Variants in HMCN2 observed in about 807,000 individuals in gnomAD.
The protein encoded by HMCN2 is hemicentin-2.
A neutral mutation model predicts 377.5 loss-of-function variants in HMCN2; 325 were observed. The ratio of observed to expected loss-of-function variants is 0.86; its 90% CI spans 0.79 to 0.94. The LOEUF (loss-of-function observed/expected upper bound fraction) is 0.94, where lower values mean the gene tolerates loss of function less well. Ranked by LOEUF, HMCN2 falls within the 40% of genes least tolerant of loss-of-function variation. The pLI, the probability that HMCN2 is intolerant of heterozygous loss-of-function variation, is 0.00. For missense variants in HMCN2, 4,543 were observed against 4,725.3 expected (o/e 0.96, Z 1.13); for synonymous variants, 2,007 against 2,046.8 (o/e 0.98, Z 0.53).
chr9:130,356,459 C>T (rs926340092), intron 34 of HMCN2, among the ~76,000 whole-genome samples: 3 of 152,182 alleles, frequency 2.0e-5, no homozygotes, highest in African/African-American at 7.2e-5. Flanking sequence ...TCAGTCCTGA[C>T]CAGCCCCTAG....
chr9:130,333,337 G>A lies in HMCN2; in HGVS notation c.3360-4557G>A, dbSNP rs949940979. On this transcript the variant is annotated intron_variant, in intron 22 of 97. Coordinates refer to ENST00000683500, the MANE Select transcript of HMCN2 (RefSeq NM_001291815.2). ...CCTGAGTGCAGCAAAGGTGTGTGCC[G>A]GGGATGAGGCAGACAGGTGAGGCCT... 7.2e-4 allele frequency among the ~76,000 whole-genome samples: 109 copies of A among 152,268 alleles called. 1 individual carries two copies. The highest frequency in any genetic ancestry group is 5.3e-3 in the Admixed American group (81 of 15,298).
At position 130,382,852 on chromosome 9, in the gene HMCN2, G is replaced by A. The variant is rs1036821875; in HGVS notation, c.8719G>A (p.Gly2907Arg). The change falls in exon 56 of 98, where the codon GGG becomes AGG. Residue 2907 changes from glycine (G) to arginine (R), a missense_variant. By Grantham distance (125) the Gly-to-Arg change is moderately radical (BLOSUM62 -2). Coordinates refer to ENST00000683500, the MANE Select transcript of HMCN2 (RefSeq NM_001291815.2). ...CCCACGGCTGCAGGTCCTGGAGGAC[G>A]GGCAAGTCTTGCAGGTCAGGGCAGC... Reference protein sequence around the residue: ...PSPRLQVLEDGQVLQVSTAEV... With the variant: ...PSPRLQVLEDRQVLQVSTAEV... 1.1e-5 allele frequency: 11 copies of A among 985,756 alleles called. No homozygotes were observed. Among genetic ancestry groups the A allele is most frequent in the South Asian group, 4.7e-5 (1 of 21,296 alleles). 61.1% of individuals were successfully genotyped at this position (985,756 alleles called of 1,614,324 possible).
chr9:130,395,959 G>T lies in HMCN2; in HGVS notation c.10947G>T (p.Arg3649Ser). The T allele has an allele frequency of 3.1e-6, 4 of 1,287,588 alleles. No individual in the cohort carries two copies. The highest frequency in any genetic ancestry group is 4.0e-6 in the Non-Finnish European group (4 of 988,734). The allele number at this position is 1,287,588 out of a possible 1,614,324, so 79.8% of individuals were successfully genotyped here. A position where few individuals can be genotyped will look rare whatever the true frequency, so the allele number is the denominator to read the frequency against. The change falls in exon 72 of 98, where the codon AGG becomes AGT. Residue 3649 changes from arginine to serine, a missense_variant. Around this residue, in one of 5 missense-constraint regions of HMCN2, gnomAD observed 1,073 missense variants for 1,319.5 expected, o/e 0.81. Coordinates refer to ENST00000683500, the MANE Select transcript of HMCN2 (RefSeq NM_001291815.2). ...ACACACAATTCCCGGAGCGGGGCAG[G>T]TTCCTCCAGCTGCAGGCCCTGAGCA... is the stretch of plus-strand genomic sequence containing the variant. ...DAHTQFPERG[R>S]FLQLQALSTA... is the part of the protein sequence containing the mutation.
At chr9:130,266,565 C>A (rs1834111788) in intron 1 of HMCN2, among the ~76,000 whole-genome samples, 1 of 152,248 alleles carries the variant, frequency 6.6e-6, no homozygotes, top group Non-Finnish European at 1.5e-5. Flanking sequence ...AGAATTCGCT[C>A]CCAGCGGAGG....
At chr9:130,404,207 G>A (rs997820562) in intron 80 of HMCN2, among the ~76,000 whole-genome samples, 1 of 152,278 alleles carries the variant, frequency 6.6e-6, no homozygotes, top group East Asian at 1.9e-4. Flanking sequence ...CAAAGATCAG[G>A]TGGCATCACT....
intron 15 of HMCN2, among the ~76,000 whole-genome samples, chr9:130,311,782 T>C (rs1837253544): frequency 6.6e-6 from 1 of 152,116 alleles, no homozygotes; most frequent in Non-Finnish European, 1.5e-5. Flanking sequence ...GCAGGACGGC[T>C]GCCACCTGGT....
chr9:130,361,354 C>A lies in HMCN2; in HGVS notation c.5951-654C>A, dbSNP rs966266146. 3.9e-5 allele frequency among the ~76,000 whole-genome samples: 6 copies of A among 152,238 alleles called. No homozygotes were observed. Among genetic ancestry groups the A allele is most frequent in the African/African-American group, 1.2e-4 (5 of 41,458 alleles). On this transcript the variant is annotated intron_variant, in intron 38 of 97. Transcript: ENST00000683500. The surrounding 1 kb of genome is among the most constrained non-coding windows in gnomAD (Gnocchi z 4.8). ...CACTTGGATACCTACACTGAGGTCT[C>A]TGCCAAGGCCTGAGGTTATGAAGAT...
chr9:130,320,909 T>C lies in HMCN2; in HGVS notation c.2775+6T>C, dbSNP rs1281652452. 2 of 152,208 alleles carry C rather than the reference T, an allele frequency of 1.3e-5. No individual in the cohort carries two copies. The highest frequency in any genetic ancestry group is 2.9e-5 in the Non-Finnish European group (2 of 68,148). The allele number at this position is 152,208 out of a possible 1,614,324, so 9.4% of individuals were successfully genotyped here. On this transcript the variant is annotated splice_donor_region_variant and intron_variant, in intron 18 of 97. Coordinates refer to ENST00000683500, the MANE Select transcript of HMCN2 (RefSeq NM_001291815.2). ...GGCTCAAGGACGGCCGGCCCGTGAG[T>C]GTCGGGCTCCTCTGGGTGCGGTGGG...
chr9:130,341,268 C>T lies in HMCN2; in HGVS notation c.3645C>T (p.His1215=), dbSNP rs1008547807. Residue 1215 remains histidine (H), a synonymous_variant, in exon 24 of 98, where the codon CAC becomes CAT. Coordinates refer to ENST00000683500, the MANE Select transcript of HMCN2 (RefSeq NM_001291815.2). ...GCCGGGGGCCTCAGGGCTCCGTCCACTTCGCAGCCATCAGAACCTCTGATG... is the reference window on the plus strand; with the variant it reads ...GCCGGGGGCCTCAGGGCTCCGTCCATTTCGCAGCCATCAGAACCTCTGATG... ...LQGRGPQGSV[H]FAAIRTSDAG... is the part of the protein sequence containing the mutation. 11 of 152,424 alleles carry T rather than the reference C, an allele frequency of 7.2e-5. No homozygotes were observed. Among genetic ancestry groups the T allele is most frequent in the African/African-American group, 2.6e-4 (11 of 41,578 alleles). 9.4% of individuals were successfully genotyped at this position (152,424 alleles called of 1,614,324 possible). A position where few individuals can be genotyped will look rare whatever the true frequency, so the allele number is the denominator to read the frequency against.
chr9:130,346,335 G>A (rs1042818091), intron 25 of HMCN2, among the ~76,000 whole-genome samples: 8 of 152,186 alleles, frequency 5.3e-5, no homozygotes, highest in African/African-American at 1.7e-4. Context: ...CTTGGGGCCC[G>A]TGAATGAAAG....
intron 73 of HMCN2, among the ~76,000 whole-genome samples, chr9:130,396,532 T>C (rs1481099947): frequency 6.6e-6 from 1 of 152,152 alleles, no homozygotes. Flanking sequence ...GGGGCATGAA[T>C]GGATCTCATG....
chr9:130,392,726 G>C (rs575142265), intron 66 of HMCN2, among the ~76,000 whole-genome samples: 4 of 147,680 alleles, frequency 2.7e-5, no homozygotes, highest in Admixed American at 6.7e-5. Context: ...GGCCGGGTGC[G>C]GTGGCTCACG....
chr9:130,359,288 C>T, intron 36 of HMCN2, 31 bp from the exon 37 acceptor site: 1 of 1,224,620 alleles, frequency 8.2e-7, no homozygotes, highest in Non-Finnish European at 1.1e-6. Context: ...CTTGCACCTA[C>T]CAAGCTGGGT....
At chr9:130,314,207 C>T (rs1837421312) in intron 15 of HMCN2, among the ~76,000 whole-genome samples, 1 of 152,194 alleles carries the variant, frequency 6.6e-6, no homozygotes, top group Non-Finnish European at 1.5e-5. Context: ...ACACTAAAGA[C>T]TCTCCGGCCA....
At chr9:130,366,127 T>A (rs542209910) in intron 43 of HMCN2, 132 bp downstream of exon 43, 1 of 668,532 alleles carries the variant, frequency 1.5e-6, no homozygotes, top group East Asian at 1.3e-4. Flanking sequence ...GGGGTGGGGA[T>A]GCTGGTTACA....
chr9:130,426,297 C>A (rs1272183868), intron 90 of HMCN2, among the ~76,000 whole-genome samples: 2 of 152,208 alleles, frequency 1.3e-5, no homozygotes, highest in Non-Finnish European at 2.9e-5. Flanking sequence ...CTGTTGGAAC[C>A]CTAGAGACCC....
chr9:130,391,058 A>T lies in HMCN2; in HGVS notation c.9605A>T (p.Tyr3202Phe). Residue 3202 changes from tyrosine (Y) to phenylalanine (F), a missense_variant, in exon 63 of 98, where the codon TAC becomes TTC. This residue lies in a region of HMCN2 where 736 missense variants were observed against 773.2 expected (regional missense o/e 0.95). Transcript: ENST00000683500. ...SRLQPAQAGTYTCVAENTQAE... is the reference protein window; with the variant it reads ...SRLQPAQAGTFTCVAENTQAE... Reference sequence around the variant, plus strand: ...CTGCAACCGGCCCAGGCGGGCACCTACACGTGCGTGGCTGAGAACACCCAG... The same window carrying T: ...CTGCAACCGGCCCAGGCGGGCACCTTCACGTGCGTGGCTGAGAACACCCAG... 1 of 987,908 alleles carries T rather than the reference A, an allele frequency of 1.0e-6. No homozygotes were observed. The highest frequency in any genetic ancestry group is 1.2e-6 in the Non-Finnish European group (1 of 830,396). The allele number at this position is 987,908 out of a possible 1,614,324, so 61.2% of individuals were successfully genotyped here. A position where few individuals can be genotyped will look rare whatever the true frequency, so the allele number is the denominator to read the frequency against.
chr9:130,288,810 C>G (rs1295225980), intron 4 of HMCN2, among the ~76,000 whole-genome samples: 1 of 152,154 alleles, frequency 6.6e-6, no homozygotes, highest in Non-Finnish European at 1.5e-5. Context: ...ACCTGGATCA[C>G]CCCTTGGGGT....
rs151162650 is a variant in HMCN2 at position 130,416,632 on chromosome 9, C to T, written c.12962-2140C>T. On this transcript the variant is annotated intron_variant, in intron 85 of 97. Transcript: ENST00000683500. ...TAAGAACAGGGCTGCTGTGACCTTA[C>T]GCACGCCCTCCAGTGAACACGCACA... 8.0e-4 allele frequency among the ~76,000 whole-genome samples: 122 copies of T among 152,234 alleles called. No individual in the cohort carries two copies. In the East Asian group the frequency reaches 0.019, roughly 24 times the overall value.
Sources: gnomAD v4.1 joint callset for allele counts (sites outside exome capture counted in the v4.1 genomes callset) on GRCh38, gnomAD v4.1.1 for gene constraint, gnomAD v4.1.1 regional missense constraint, Gnocchi (gnomAD v3.1) non-coding constraint, MANE v1.5 for transcripts, NCBI Gene and HGNC (gene_info 2026-07-23, HGNC 2026-07-21) for gene names.